The following BBS9 variants were observed in gnomAD, a reference collection of about 807,000 sequenced individuals.
BBS9 encodes the protein Bardet-Biedl syndrome 9, also known as protein PTHB1.
Under a neutral mutation model 117.7 loss-of-function variants are expected in BBS9, and 89 were observed. The observed-to-expected ratio is 0.76, with a 90% CI of 0.64 to 0.90. The LOEUF is 0.90. Among genes scored for constraint, BBS9 ranks in the 40% least tolerant of loss-of-function variants. The probability of loss-of-function intolerance (pLI) is 0.00; values close to 1 mark genes in which losing one functional copy is unlikely to be tolerated. For missense variants in BBS9, 982 were observed against 1,042.2 expected (o/e 0.94, Z 0.80); for synonymous variants, 379 against 370.9 (o/e 1.02, Z -0.25).
rs188139599 is a variant in BBS9 at position 33,436,169 on chromosome 7, T to G, written c.2115+48025T>G. 1.2e-4 allele frequency among the ~76,000 whole-genome samples: 19 copies of G among 152,298 alleles called. No individual in the cohort carries two copies. The East Asian group carries it at 3.7e-3, about 29-fold the overall frequency. On this transcript the variant is annotated intron_variant, in intron 19 of 22. Transcript: ENST00000242067. ...TGGGCTGCCCTACTTAAGCAGGAGTTGTTGGTTTGCCATTACCTACTGTGT... is the reference window on the plus strand; with the variant it reads ...TGGGCTGCCCTACTTAAGCAGGAGTGGTTGGTTTGCCATTACCTACTGTGT...
In BBS9 at chr7:33,189,883, T is replaced by TAAA. The variant is rs372582478; in HGVS notation, c.442+12309_442+12311dup. 4.8e-4 allele frequency among the ~76,000 whole-genome samples: 61 copies of TAAA among 127,134 alleles called. No homozygotes were observed. The East Asian group carries it at 0.012, about 26-fold the overall frequency. 83.4% of individuals were successfully genotyped at this position (127,134 alleles called of 152,430 possible). A position where few individuals can be genotyped will look rare whatever the true frequency, so the allele number is the denominator to read the frequency against. On this transcript the variant is annotated intron_variant, in intron 5 of 22. Transcript: ENST00000242067. ...TGCACTCCAGAGTGAGACTCTGTCT[T>TAAA]AAAAAAAAAAAAAAAAAAAGTAGAT...
chr7:33,296,239 T>C (rs1805251512), intron 9 of BBS9, among the ~76,000 whole-genome samples: 1 of 152,172 alleles, frequency 6.6e-6, no homozygotes, highest in African/African-American at 2.4e-5. Context: ...CTGATAGTTA[T>C]TTTCTGAACA....
intron 20 of BBS9, among the ~76,000 whole-genome samples, chr7:33,518,656 G>A (rs1848173940): frequency 1.3e-5 from 2 of 152,132 alleles, no homozygotes; most frequent in African/African-American, 4.8e-5. Context: ...TGTGTCTTGT[G>A]CTAGTTGGCT....
chr7:33,313,248 C>T (rs1000561651), intron 9 of BBS9, among the ~76,000 whole-genome samples: 10 of 151,904 alleles, frequency 6.6e-5, no homozygotes, highest in African/African-American at 2.2e-4. Context: ...CTATATTACT[C>T]TCTTTACTTT....
chr7:33,467,005 CATTCAT>C (rs1348366773), intron 19 of BBS9, among the ~76,000 whole-genome samples: 1 of 115,614 alleles, frequency 8.6e-6, no homozygotes, highest in African/African-American at 3.6e-5. Flanking sequence ...TTCATTCATT[CATTCAT>C]TCTCTCTCTC....
intron 19 of BBS9, among the ~76,000 whole-genome samples, chr7:33,407,844 A>T (rs931084856): frequency 2.0e-5 from 3 of 152,134 alleles, no homozygotes; most frequent in Admixed American, 6.5e-5. Flanking sequence ...GTCTGCCCCT[A>T]CTGGGCTGTG....
chr7:33,566,736 TA>T (rs74366097), intron 21 of BBS9, among the ~76,000 whole-genome samples: 15,533 of 152,160 alleles, frequency 0.1, 837 homozygotes, highest in Middle Eastern at 0.14. Context: ...CCAAAAGTTA[TA>T]AAACACATAT....
intron 19 of BBS9, among the ~76,000 whole-genome samples, chr7:33,481,647 A>G (rs1411263193): frequency 1.3e-5 from 2 of 152,200 alleles, no homozygotes; most frequent in Non-Finnish European, 2.9e-5. Flanking sequence ...GTGTTTCCCA[A>G]AATATTAATA....
intron 21 of BBS9, among the ~76,000 whole-genome samples, chr7:33,567,848 C>G (rs1291993080): frequency 6.6e-6 from 1 of 152,170 alleles, no homozygotes; most frequent in Non-Finnish European, 1.5e-5. Context: ...AGGATTAGTA[C>G]TGGCACCTAT....
chr7:33,528,163 C>T (rs1485311917), intron 20 of BBS9, among the ~76,000 whole-genome samples: 1 of 151,882 alleles, frequency 6.6e-6, no homozygotes, highest in Non-Finnish European at 1.5e-5. Flanking sequence ...AAATTTTTTT[C>T]CCTTTAATAC....
intron 9 of BBS9, among the ~76,000 whole-genome samples, chr7:33,280,750 T>G (rs995638077): frequency 6.6e-6 from 1 of 152,164 alleles, no homozygotes; most frequent in African/African-American, 2.4e-5. Context: ...AAAGACCTTA[T>G]AAGATCTCTT....
At chr7:33,218,719 A>T (rs764320603) in intron 5 of BBS9, among the ~76,000 whole-genome samples, 27 of 152,278 alleles carry the variant, frequency 1.8e-4, no homozygotes, top group Non-Finnish European at 3.5e-4. Context: ...CATCAGTTAA[A>T]TGTCAATTTC....
chr7:33,166,965 A>G (rs1307437482), intron 4 of BBS9, among the ~76,000 whole-genome samples: 2 of 152,316 alleles, frequency 1.3e-5, no homozygotes, highest in Non-Finnish European at 1.5e-5. Flanking sequence ...CTTCTGTGTC[A>G]GTCACGCTGG....
At chr7:33,269,213 A>C (rs1799339525) in intron 7 of BBS9, among the ~76,000 whole-genome samples, 1 of 152,212 alleles carries the variant, frequency 6.6e-6, no homozygotes, top group Admixed American at 6.5e-5. Flanking sequence ...TTGATGGCCA[A>C]AAATTCATCT....
Position 33,433,505 on chromosome 7 carries a change from T to C in BBS9, c.2115+45361T>C, listed in dbSNP as rs12334131. Among the ~76,000 whole-genome samples, 1,401 of 152,318 alleles carry C rather than the reference T, an allele frequency of 9.2e-3. 26 individuals are homozygous for C. Among genetic ancestry groups the C allele is most frequent in the South Asian group, 0.046 (220 of 4,830 alleles). ...CTTCCTCTGTTTTTATTCTGAGTATTTTTTTCCATCAGCTTATAACATCAT... is the reference window on the plus strand; with the variant it reads ...CTTCCTCTGTTTTTATTCTGAGTATCTTTTTCCATCAGCTTATAACATCAT... On this transcript the variant is annotated intron_variant, in intron 19 of 22. Transcript: ENST00000242067.
At position 33,383,817 on chromosome 7, in the gene BBS9, G is replaced by A. The variant is rs1166653393; in HGVS notation, c.1941G>A (p.Glu647=). The change falls in exon 18 of 23, where the codon GAG becomes GAA. Residue 647 remains glutamate, a synonymous_variant. Coordinates refer to ENST00000242067, the MANE Select transcript of BBS9 (RefSeq NM_198428.3). ...CTATACCCCTTCAAGAATATTTTGA[G>A]TTGATTGATCATCATTTTGAGGTAT... ...SGSIPLQEYF[E]LIDHHFELRI... is the part of the protein sequence containing the mutation. The A allele has an allele frequency of 6.2e-7, 1 of 1,612,144 alleles. No individual in the cohort carries two copies. The highest frequency in any genetic ancestry group is 2.2e-5 in the East Asian group (1 of 44,838).
chr7:33,621,452 A>C (rs1412697928), intron 21 of BBS9, among the ~76,000 whole-genome samples: 1 of 152,224 alleles, frequency 6.6e-6, no homozygotes. Flanking sequence ...GCTCAACATC[A>C]TTCATCATCA....
intron 9 of BBS9, among the ~76,000 whole-genome samples, chr7:33,279,453 G>A (rs533082161): frequency 2.0e-4 from 31 of 152,294 alleles, no homozygotes; most frequent in African/African-American, 7.5e-4. Context: ...TACCTTTAGG[G>A]TTAAAGCTTT....
chr7:33,255,379 G>A lies in BBS9; in HGVS notation c.443-1857G>A, dbSNP rs548775286. Among the ~76,000 whole-genome samples, 749 of 133,438 alleles carry A rather than the reference G, an allele frequency of 5.6e-3. 10 individuals carry two copies. The highest frequency in any genetic ancestry group is 0.02 in the African/African-American group (710 of 34,964). 87.5% of individuals were successfully genotyped at this position (133,438 alleles called of 152,430 possible). A position where few individuals can be genotyped will look rare whatever the true frequency, so the allele number is the denominator to read the frequency against. ...TTTTTTTTTTGCATGTGGATATCCAGTTTTCCCAGCACCACTTATTGAAGA... is the reference window on the plus strand; with the variant it reads ...TTTTTTTTTTGCATGTGGATATCCAATTTTCCCAGCACCACTTATTGAAGA... On this transcript the variant is annotated intron_variant, in intron 5 of 22. Transcript: ENST00000242067.
Sources: allele counts gnomAD v4.1 joint callset (sites outside exome capture counted in the v4.1 genomes callset), GRCh38; gene constraint gnomAD v4.1.1; transcripts MANE v1.5; gene names NCBI Gene and HGNC (gene_info 2026-07-23, HGNC 2026-07-21).